METTL15: variants seen among roughly 807,000 people sequenced by gnomAD.
The protein encoded by METTL15 is methyltransferase 15, mitochondrial 12S rRNA N4-cytidine.
In METTL15, 34 loss-of-function variants were observed where a neutral mutation model predicts 38.3. The ratio of observed to expected loss-of-function variants is 0.89; its 90% CI spans 0.68 to 1.18. The LOEUF (loss-of-function observed/expected upper bound fraction) is 1.18, where lower values mean the gene tolerates loss of function less well. Among genes scored for constraint, METTL15 ranks in the 50% most tolerant of loss-of-function variants. The pLI is 0.00. For missense variants in METTL15, 438 were observed against 498.4 expected, an observed-to-expected ratio of 0.88 and a Z score of 1.15; for synonymous variants, 162 against 170.9, an observed-to-expected ratio of 0.95 and a Z score of 0.41.
At chr11:28,406,592 A>G (rs1850675908) in intron 5 of METTL15, among the ~76,000 whole-genome samples, 2 of 152,192 alleles carry the variant, frequency 1.3e-5, no homozygotes, top group African/African-American at 4.8e-5. Context: ...GGGCTGAGAC[A>G]ATGGGATCTT....
intron 3 of METTL15, 96 bp downstream of exon 3, chr11:28,113,700 T>C: frequency 7.4e-7 from 1 of 1,346,332 alleles, no homozygotes; most frequent in South Asian, 1.5e-5. Flanking sequence ...CAGTGGCCTT[T>C]AGTATACAGA....
chr11:28,410,242 G>A (rs2133412044), intron 5 of METTL15, among the ~76,000 whole-genome samples: 1 of 152,250 alleles, frequency 6.6e-6, no homozygotes, highest in Non-Finnish European at 1.5e-5. Flanking sequence ...AGAGCTAGAA[G>A]TAATACCTCA....
chr11:28,323,100 T>C (rs920792721), intron 6 of METTL15, among the ~76,000 whole-genome samples: 1 of 152,186 alleles, frequency 6.6e-6, no homozygotes, highest in Non-Finnish European at 1.5e-5. Flanking sequence ...AAAGGAAGTA[T>C]ACCTCTTGGT....
chr11:28,233,808 T>A (rs1012040519), intron 4 of METTL15, among the ~76,000 whole-genome samples: 7 of 151,994 alleles, frequency 4.6e-5, no homozygotes, highest in African/African-American at 9.7e-5. Flanking sequence ...TTTCTTTTTT[T>A]TTATTATTAT....
At chr11:28,518,551 C>T (rs1160694929) in intron 6 of METTL15, among the ~76,000 whole-genome samples, 1 of 152,184 alleles carries the variant, frequency 6.6e-6, no homozygotes, top group Non-Finnish European at 1.5e-5. Flanking sequence ...GGGAACTGAA[C>T]AGCCCTTACA....
chr11:28,391,368 G>C (rs1320699248), intron 5 of METTL15, among the ~76,000 whole-genome samples: 17 of 152,082 alleles, frequency 1.1e-4, no homozygotes, highest in Middle Eastern at 3.4e-3. Flanking sequence ...CTGTGGGTTT[G>C]TCATAGATAG....
At chr11:28,159,388 A>C (rs1850373674) in intron 3 of METTL15, among the ~76,000 whole-genome samples, 1 of 152,002 alleles carries the variant, frequency 6.6e-6, no homozygotes, top group South Asian at 2.1e-4. Flanking sequence ...AGCCCAATCC[A>C]GGCAGGACTA....
intron 4 of METTL15, among the ~76,000 whole-genome samples, chr11:28,356,221 A>G (rs2133364831): frequency 6.6e-6 from 1 of 152,296 alleles, no homozygotes; most frequent in East Asian, 1.9e-4. Context: ...TTGTTTTACA[A>G]TGTAATTATT....
intron 3 of METTL15, among the ~76,000 whole-genome samples, chr11:28,340,568 A>G (rs1282346029): frequency 6.6e-6 from 1 of 152,212 alleles, no homozygotes; most frequent in Admixed American, 6.5e-5. Context: ...AACATACGAA[A>G]AAAACCTCAT....
chr11:28,218,278 C>G (rs936954571), intron 4 of METTL15, among the ~76,000 whole-genome samples: 1 of 152,112 alleles, frequency 6.6e-6, no homozygotes, highest in African/African-American at 2.4e-5. Flanking sequence ...CTTCACATCC[C>G]TTGTAAGTTG....
intron 3 of METTL15, chr11:28,197,697 T>C (rs1851960848): frequency 3.8e-6 from 1 of 262,116 alleles, no homozygotes; most frequent in South Asian, 4.3e-5. Flanking sequence ...CATATGTGCA[T>C]ATATGTAATT....
intron 6 of METTL15, among the ~76,000 whole-genome samples, chr11:28,466,512 A>C (rs1851257682): frequency 6.6e-6 from 1 of 152,268 alleles, no homozygotes; most frequent in East Asian, 1.9e-4. Flanking sequence ...ATTCCACAAG[A>C]TGTGTGGGAA....
chr11:28,317,490 AG>A (rs1440185722), intron 6 of METTL15, among the ~76,000 whole-genome samples: 1 of 151,686 alleles, frequency 6.6e-6, no homozygotes, highest in Non-Finnish European at 1.5e-5. Context: ...CCTACCACTC[AG>A]GGGGAATTGC....
At chr11:28,234,420 AAC>A (rs1480979741) in intron 4 of METTL15, among the ~76,000 whole-genome samples, 1 of 151,334 alleles carries the variant, frequency 6.6e-6, no homozygotes, top group Non-Finnish European at 1.5e-5. Context: ...CAGTCCCACC[AAC>A]AGTGTAAAAG....
intron 6 of METTL15, among the ~76,000 whole-genome samples, chr11:28,312,088 T>C (rs769455221): frequency 2.0e-5 from 3 of 152,210 alleles, no homozygotes; most frequent in African/African-American, 4.8e-5. Context: ...CTTCATCACA[T>C]TGAAGAACTC....
chr11:28,296,916 G>T lies in METTL15; in HGVS notation c.763G>T (p.Ala255Ser). 1 of 1,613,452 alleles carries T rather than the reference G, an allele frequency of 6.2e-7. No homozygotes were observed. Among genetic ancestry groups the T allele is most frequent in the Non-Finnish European group, 8.5e-7 (1 of 1,179,648 alleles). The change falls in exon 6 of 7, where the codon GCC becomes TCC. Residue 255 changes from alanine (A) to serine (S), a missense_variant. Transcript: ENST00000407364. ...IYPITRTQQL[A>S]SIVAGAFPPS... ...CCCCATCACCAGAACCCAGCAGCTT[G>T]CCAGCATCGTTGCAGGTAGCCTCAT... is the stretch of plus-strand genomic sequence containing the variant.
intron 6 of METTL15, among the ~76,000 whole-genome samples, chr11:28,444,346 A>G (rs1851058494): frequency 6.6e-6 from 1 of 152,192 alleles, no homozygotes; most frequent in Admixed American, 6.5e-5. Flanking sequence ...TTTTTTCCTA[A>G]ATAGATTGAA....
At chr11:28,313,705 A>T in intron 6 of METTL15, among the ~76,000 whole-genome samples, 1 of 151,972 alleles carries the variant, frequency 6.6e-6, no homozygotes, top group Middle Eastern at 3.4e-3. Flanking sequence ...TTATTATATT[A>T]CTTAAATTTT....
intron 6 of METTL15, among the ~76,000 whole-genome samples, chr11:28,445,049 G>A (rs1851064066): frequency 6.6e-6 from 1 of 152,008 alleles, no homozygotes; most frequent in Non-Finnish European, 1.5e-5. Flanking sequence ...ACAAGCTGAG[G>A]GGCAGAACTG....
Sources: gnomAD v4.1 joint callset for allele counts (sites outside exome capture counted in the v4.1 genomes callset) on GRCh38, gnomAD v4.1.1 for gene constraint, MANE v1.5 for transcripts, NCBI Gene and HGNC (gene_info 2026-07-23, HGNC 2026-07-21) for gene names.